Variants in KDM6A observed in about 807,000 individuals in gnomAD.
KDM6A encodes the protein lysine-specific demethylase 6A.
Under a neutral mutation model 117.6 loss-of-function variants are expected in KDM6A, and 11 were observed. The ratio of observed to expected loss-of-function variants is 0.09; its 90% confidence interval spans 0.06 to 0.15. KDM6A has a LOEUF of 0.15. KDM6A is among the 10% of genes least tolerant of loss of function. The pLI is 1.00. For missense variants in KDM6A, 799 were observed against 1,077.3 expected, an observed-to-expected ratio of 0.74 and a Z score of 3.62; for synonymous variants, 384 against 396.1, an observed-to-expected ratio of 0.97 and a Z score of 0.36.
chrX:44,902,043 A>G (rs1421845000), intron 2 of KDM6A, among the ~76,000 whole-genome samples: 1 of 111,955 alleles, frequency 8.9e-6, no homozygotes, highest in African/African-American at 3.3e-5. Flanking sequence ...CCTGGCCAAC[A>G]TGGCAATACC....
intron 10 of KDM6A, among the ~76,000 whole-genome samples, chrX:45,058,361 T>G (rs1227876240): frequency 1.8e-5 from 2 of 110,759 alleles, no homozygotes; most frequent in East Asian, 5.6e-4. Flanking sequence ...TCGTGTATAT[T>G]CACATTAAGA....
intron 16 of KDM6A, among the ~76,000 whole-genome samples, 180 bp from the exon 17 acceptor site, chrX:45,063,242 A>G: frequency 9.0e-6 from 1 of 111,130 alleles, no homozygotes; most frequent in East Asian, 2.8e-4. Context: ...AACAAATACA[A>G]TTTCTTGTTT....
At chrX:44,988,955 T>C (rs149404624) in intron 4 of KDM6A, among the ~76,000 whole-genome samples, 1 of 109,841 alleles carries the variant, frequency 9.1e-6, no homozygotes, top group Non-Finnish European at 1.9e-5. Context: ...GACATCTAAG[T>C]CTGCAGAGGA....
At chrX:44,888,673 A>T (rs2033095013) in intron 2 of KDM6A, among the ~76,000 whole-genome samples, 1 of 112,057 alleles carries the variant, frequency 8.9e-6, no homozygotes, top group African/African-American at 3.2e-5. Context: ...AAGATTAACC[A>T]TTTAGTTAGT....
At chrX:44,931,820 TA>T (rs1174009682) in intron 2 of KDM6A, among the ~76,000 whole-genome samples, 3 of 111,789 alleles carry the variant, frequency 2.7e-5, no homozygotes, top group African/African-American at 6.5e-5. Context: ...ATTGCACACT[TA>T]AAAATGGTTA....
At chrX:44,885,778 AG>A (rs1193479107) in intron 2 of KDM6A, among the ~76,000 whole-genome samples, 1 of 109,429 alleles carries the variant, frequency 9.1e-6, no homozygotes, top group Non-Finnish European at 1.9e-5. Context: ...AGGCTGAGGC[AG>A]GAGAATCGCT....
At position 45,051,688 on chromosome X, in the gene KDM6A, ATC is replaced by A. The variant is rs2147916614; in HGVS notation, c.655-17_655-16del. On this transcript the variant is annotated intron_variant, in intron 8 of 29. Transcript: ENST00000611820. ...AAAGATTATGTTAATTTTTCTCCAA[ATC>A]TCTTTTTCTGTTCTTTAGAGGAAAT... is the stretch of plus-strand genomic sequence containing the variant. The A allele has an allele frequency of 2.1e-6, 2 of 970,203 alleles. No homozygotes were observed. Among genetic ancestry groups the A allele is most frequent in the African/African-American group, 3.8e-5 (2 of 52,524 alleles). 80.0% of individuals were successfully genotyped at this position (970,203 alleles called of 1,213,427 possible).
At chrX:45,072,883 A>G (rs1008335611) in intron 18 of KDM6A, among the ~76,000 whole-genome samples, 1 of 107,233 alleles carries the variant, frequency 9.3e-6, no homozygotes, top group African/African-American at 3.4e-5. Flanking sequence ...ATATATATAC[A>G]TATATATACT....
intron 17 of KDM6A, among the ~76,000 whole-genome samples, chrX:45,066,782 G>A (rs1420088832): frequency 2.7e-5 from 3 of 111,726 alleles, no homozygotes; most frequent in African/African-American, 9.8e-5. Context: ...AACGTAATTC[G>A]TAATTCTAAT....
chrX:44,982,915 T>C (rs748519190), intron 4 of KDM6A, among the ~76,000 whole-genome samples: 2 of 112,055 alleles, frequency 1.8e-5, no homozygotes, highest in Non-Finnish European at 3.8e-5. Flanking sequence ...TTCAGAAATA[T>C]ATTCAGTATT....
chrX:44,889,116 A>G (rs898246768), intron 2 of KDM6A, among the ~76,000 whole-genome samples: 2 of 112,005 alleles, frequency 1.8e-5, no homozygotes, highest in African/African-American at 6.5e-5. Flanking sequence ...CCCGGATTCA[A>G]GCGATTCTCT....
chrX:44,902,474 C>T (rs2034414785), intron 2 of KDM6A, among the ~76,000 whole-genome samples: 1 of 108,319 alleles, frequency 9.2e-6, no homozygotes, highest in African/African-American at 3.4e-5. Context: ...ACTGCAACCT[C>T]CGCCTCCTGG....
At chrX:45,045,632 C>G (rs910807716) in intron 8 of KDM6A, among the ~76,000 whole-genome samples, 7 of 107,844 alleles carry the variant, frequency 6.5e-5, no homozygotes, top group African/African-American at 2.4e-4. Flanking sequence ...AATATTTGTG[C>G]TTTTGCATCT....
At chrX:45,090,550 A>G (rs953457881) in intron 26 of KDM6A, among the ~76,000 whole-genome samples, 173 bp from the exon 27 acceptor site, 1 of 112,220 alleles carries the variant, frequency 8.9e-6, no homozygotes, top group African/African-American at 3.2e-5. Flanking sequence ...TGCTCTTTAT[A>G]TGATTGCTAA....
chrX:44,974,519 G>T, intron 3 of KDM6A, 147 bp from the exon 4 acceptor site: 1 of 474,849 alleles, frequency 2.1e-6, no homozygotes, highest in Admixed American at 3.0e-5. Context: ...TGAACTGAGG[G>T]GGGCCCAGAA....
chrX:45,008,574 TACC>T (rs1259574488), intron 4 of KDM6A, among the ~76,000 whole-genome samples: 1 of 109,532 alleles, frequency 9.1e-6, no homozygotes, highest in Admixed American at 9.8e-5. Context: ...GATTAACTAT[TACC>T]ACTTTTACCA....
intron 4 of KDM6A, among the ~76,000 whole-genome samples, chrX:45,003,185 G>A (rs2041236326): frequency 9.1e-6 from 1 of 109,690 alleles, no homozygotes; most frequent in Admixed American, 9.8e-5. Context: ...AATTCTGCTT[G>A]TACAAGAGTT....
intron 2 of KDM6A, among the ~76,000 whole-genome samples, chrX:44,880,751 C>G (rs1407526073): frequency 2.7e-5 from 3 of 110,092 alleles, no homozygotes; most frequent in South Asian, 7.7e-4. Context: ...GAGATCGCGC[C>G]ACTGCACTCC....
At chrX:45,084,173 AT>A (rs2148159798) in intron 24 of KDM6A, among the ~76,000 whole-genome samples, 1 of 111,994 alleles carries the variant, frequency 8.9e-6, no homozygotes, top group Admixed American at 9.5e-5. Context: ...TTTGCCACTA[AT>A]TAGGCTTGTC....
Sources: allele counts gnomAD v4.1 joint callset (sites outside exome capture counted in the v4.1 genomes callset), GRCh38; gene constraint gnomAD v4.1.1; transcripts MANE v1.5; gene names NCBI Gene and HGNC (gene_info 2026-07-23, HGNC 2026-07-21).